Variants in ANGPT1 observed in about 807,000 individuals in gnomAD.
The protein encoded by ANGPT1 is angiopoietin 1.
Under a neutral mutation model 62.2 loss-of-function variants are expected in ANGPT1, and 17 were observed. The observed-to-expected ratio is 0.27, with a 90% CI of 0.19 to 0.41. ANGPT1 has a LOEUF of 0.41. Ranked by LOEUF, ANGPT1 falls within the 10% of genes least tolerant of loss-of-function variation. ANGPT1 has a pLI of 1.00. For synonymous variants in ANGPT1, 199 were observed against 198.9 expected (o/e 1.00, Z 0.00); for missense variants, 478 against 594.9 (o/e 0.80, Z 2.04).
At chr8:107,398,270 G>T (rs766456034) in intron 1 of ANGPT1, among the ~76,000 whole-genome samples, 36 of 152,080 alleles carry the variant, frequency 2.4e-4, no homozygotes, top group Non-Finnish European at 4.1e-4. Context: ...TTGTTAGTGG[G>T]TGATAGGTAC....
intron 1 of ANGPT1, among the ~76,000 whole-genome samples, chr8:107,466,845 G>A (rs533788819): frequency 8.5e-5 from 13 of 152,068 alleles, no homozygotes; most frequent in African/African-American, 2.4e-4. Flanking sequence ...CCAGGAGGCC[G>A]AGGTTGCAGT....
At chr8:107,426,619 A>G (rs953081784) in intron 1 of ANGPT1, among the ~76,000 whole-genome samples, 5 of 152,010 alleles carry the variant, frequency 3.3e-5, no homozygotes, top group Non-Finnish European at 7.4e-5. Context: ...CTGGACTTTG[A>G]TCTTCTAGGA....
At chr8:107,490,684 A>G (rs1812933076) in intron 1 of ANGPT1, among the ~76,000 whole-genome samples, 1 of 152,214 alleles carries the variant, frequency 6.6e-6, no homozygotes. Flanking sequence ...CTTTTTCTCA[A>G]AAGGGCTGGA....
chr8:107,427,511 T>C (rs1327947139), intron 1 of ANGPT1, among the ~76,000 whole-genome samples: 1 of 152,188 alleles, frequency 6.6e-6, no homozygotes, highest in African/African-American at 2.4e-5. Context: ...CTCTTGTCTC[T>C]TCAGGACAGA....
rs866636019 is a variant in ANGPT1, at chr8:107,312,019, G to A, written c.809-8652C>T. On this transcript the variant is annotated intron_variant, in intron 4 of 8. Transcript: ENST00000517746. Reference sequence around the variant, plus strand: ...GCGGAGCTTGCAGTGAGCAGAGATCGCACCACTGCACTCCAGCCTGGGCGA... The same window carrying A: ...GCGGAGCTTGCAGTGAGCAGAGATCACACCACTGCACTCCAGCCTGGGCGA... Among the ~76,000 whole-genome samples, 3 of 143,796 alleles carry A rather than the reference G, an allele frequency of 2.1e-5. No homozygotes were observed. The East Asian group carries it at 6.1e-4, about 29-fold the overall frequency. The allele number at this position is 143,796 out of a possible 152,430, so 94.3% of individuals were successfully genotyped here.
intron 1 of ANGPT1, among the ~76,000 whole-genome samples, chr8:107,389,684 G>A (rs1019820330): frequency 1.2e-4 from 19 of 152,082 alleles, no homozygotes; most frequent in African/African-American, 3.6e-4. Context: ...TACTGCCAAA[G>A]TAAACCTCTG....
intron 1 of ANGPT1, among the ~76,000 whole-genome samples, chr8:107,493,680 C>A (rs1813023410): frequency 6.7e-6 from 1 of 150,326 alleles, no homozygotes; most frequent in African/African-American, 2.5e-5. Flanking sequence ...TCATTTAACA[C>A]ATATTTATTG....
At chr8:107,351,463 C>T (rs933222579) in intron 1 of ANGPT1, among the ~76,000 whole-genome samples, 6 of 151,896 alleles carry the variant, frequency 4.0e-5, no homozygotes, top group African/African-American at 1.5e-4. Context: ...CTCAGAGTTG[C>T]GGGAAGTGTT....
chr8:107,389,926 G>T (rs1415724243), intron 1 of ANGPT1, among the ~76,000 whole-genome samples: 3 of 143,466 alleles, frequency 2.1e-5, no homozygotes, highest in South Asian at 2.2e-4. Context: ...GAACCATAAG[G>T]TTTCTTCCTA....
intron 1 of ANGPT1, among the ~76,000 whole-genome samples, chr8:107,423,422 G>A (rs946526525): frequency 6.6e-6 from 1 of 152,142 alleles, no homozygotes; most frequent in African/African-American, 2.4e-5. Flanking sequence ...TTCCACATCA[G>A]ACAGCTGGAT....
At chr8:107,353,311 T>A (rs1412640501) in intron 1 of ANGPT1, among the ~76,000 whole-genome samples, 2 of 152,164 alleles carry the variant, frequency 1.3e-5, no homozygotes, top group African/African-American at 4.8e-5. Context: ...AAACAGCTAA[T>A]CAATGTCAGA....
intron 1 of ANGPT1, among the ~76,000 whole-genome samples, chr8:107,364,996 A>AG (rs1816243764): frequency 6.6e-6 from 1 of 152,144 alleles, no homozygotes; most frequent in Non-Finnish European, 1.5e-5. Flanking sequence ...TCTAAACATT[A>AG]TAGTTAACAC....
rs112152813 is a variant in ANGPT1 at position 107,475,986 on chromosome 8, G to A, written c.297+21276C>T. ...ATAAGAACAATTTTACTCTGTTTGT[G>A]GTACTGTAAACTAGTTCAACCATTG... On this transcript the variant is annotated intron_variant, in intron 1 of 8. Coordinates refer to ENST00000517746, the MANE Select transcript of ANGPT1 (RefSeq NM_001146.5). 9.6e-3 allele frequency among the ~76,000 whole-genome samples: 1,463 copies of A among 152,260 alleles called. 24 individuals carry two copies. Among genetic ancestry groups the A allele is most frequent in the African/African-American group, 0.033 (1,360 of 41,558 alleles).
intron 7 of ANGPT1, among the ~76,000 whole-genome samples, chr8:107,274,488 C>G (rs1420407151): frequency 6.6e-6 from 1 of 151,940 alleles, no homozygotes; most frequent in Non-Finnish European, 1.5e-5. Flanking sequence ...TACTTGCCAA[C>G]AAGCAATATA....
chr8:107,449,578 G>C (rs1219697554), intron 1 of ANGPT1, among the ~76,000 whole-genome samples: 2 of 151,832 alleles, frequency 1.3e-5, no homozygotes, highest in Non-Finnish European at 2.9e-5. Context: ...ATAGAAGGAA[G>C]TATTTTCTCT....
chr8:107,352,235 C>G (rs894754467), intron 1 of ANGPT1, among the ~76,000 whole-genome samples: 1 of 152,060 alleles, frequency 6.6e-6, no homozygotes, highest in African/African-American at 2.4e-5. Context: ...AAAGATTGAC[C>G]ATTTTTTAAT....
intron 1 of ANGPT1, among the ~76,000 whole-genome samples, chr8:107,448,670 T>C (rs1027428036): frequency 6.6e-6 from 1 of 152,128 alleles, no homozygotes; most frequent in Non-Finnish European, 1.5e-5. Context: ...ATTTTAGGTA[T>C]GGCTAGGTCA....
intron 1 of ANGPT1, among the ~76,000 whole-genome samples, chr8:107,398,263 T>C (rs1816975097): frequency 6.6e-6 from 1 of 152,190 alleles, no homozygotes; most frequent in Non-Finnish European, 1.5e-5. Flanking sequence ...ATAGTTTTTG[T>C]TAGTGGGTGA....
intron 1 of ANGPT1, among the ~76,000 whole-genome samples, chr8:107,415,219 G>T (rs1810707764): frequency 6.6e-6 from 1 of 152,192 alleles, no homozygotes; most frequent in Non-Finnish European, 1.5e-5. Context: ...ATGGCATACA[G>T]AAGGGGTTAT....
Sources: gnomAD v4.1 joint callset for allele counts (sites outside exome capture counted in the v4.1 genomes callset) on GRCh38, gnomAD v4.1.1 for gene constraint, MANE v1.5 for transcripts, NCBI Gene and HGNC (gene_info 2026-07-23, HGNC 2026-07-21) for gene names.